The following GALNTL6 variants were observed in gnomAD, a reference collection of about 807,000 sequenced individuals.
GALNTL6 encodes the protein polypeptide N-acetylgalactosaminyltransferase like 6, also known as polypeptide N-acetylgalactosaminyltransferase-like 6.
In GALNTL6, 46 loss-of-function variants were observed where a neutral mutation model predicts 73.7. That is an observed-to-expected ratio of 0.62 (90% CI 0.49 to 0.80). The LOEUF (loss-of-function observed/expected upper bound fraction) is 0.80, where lower values mean the gene tolerates loss of function less well. GALNTL6 is among the 30% of genes least tolerant of loss of function. The probability of loss-of-function intolerance (pLI) is 0.00; values close to 1 mark genes in which losing one functional copy is unlikely to be tolerated. For synonymous variants in GALNTL6, 259 were observed against 263.7 expected (o/e 0.98, Z 0.17); for missense variants, 604 against 755.0 (o/e 0.80, Z 2.34).
intron 5 of GALNTL6, among the ~76,000 whole-genome samples, chr4:172,429,378 A>G (rs1460088256): frequency 6.6e-6 from 1 of 151,618 alleles, no homozygotes; most frequent in Non-Finnish European, 1.5e-5. Context: ...CGCCTGGCTA[A>G]TTTTTGTATT....
At chr4:172,238,863 T>C (rs952934232) in intron 3 of GALNTL6, among the ~76,000 whole-genome samples, 17 of 152,150 alleles carry the variant, frequency 1.1e-4, no homozygotes, top group African/African-American at 3.6e-4. Context: ...TATGGTTATA[T>C]AGTTTTTATT....
At chr4:172,840,947 A>T (rs1470576307) in intron 7 of GALNTL6, among the ~76,000 whole-genome samples, 2 of 152,174 alleles carry the variant, frequency 1.3e-5, no homozygotes, top group Non-Finnish European at 2.9e-5. Flanking sequence ...TTTATGCCCA[A>T]CACAGTGCTC....
chr4:172,045,816 G>A (rs1402024362), intron 2 of GALNTL6, among the ~76,000 whole-genome samples: 1 of 151,556 alleles, frequency 6.6e-6, no homozygotes, highest in Non-Finnish European at 1.5e-5. Flanking sequence ...ATGTAACTGA[G>A]ATATGGTACA....
chr4:172,027,916 T>C (rs1741639213), intron 2 of GALNTL6, among the ~76,000 whole-genome samples: 1 of 152,022 alleles, frequency 6.6e-6, no homozygotes, highest in South Asian at 2.1e-4. Flanking sequence ...AGTATGGAGG[T>C]AGCAGAGATT....
At chr4:171,851,112 T>A (rs1221475182) in intron 2 of GALNTL6, among the ~76,000 whole-genome samples, 3 of 152,242 alleles carry the variant, frequency 2.0e-5, no homozygotes, top group Non-Finnish European at 4.4e-5. Flanking sequence ...CGAACTTGAA[T>A]GTAAAAGTAA....
At chr4:172,906,223 G>A (rs187437709) in intron 8 of GALNTL6, among the ~76,000 whole-genome samples, 140 of 151,932 alleles carry the variant, frequency 9.2e-4, no homozygotes, top group African/African-American at 3.2e-3. Context: ...ATCAGAAATG[G>A]TTAAGTGGCC....
chr4:172,101,901 G>A (rs1732530559), intron 2 of GALNTL6, among the ~76,000 whole-genome samples: 1 of 151,566 alleles, frequency 6.6e-6, no homozygotes, highest in South Asian at 2.1e-4. Flanking sequence ...ATCAAAACCA[G>A]GTTTAAAATT....
At chr4:171,904,826 T>TG (rs1218935826) in intron 2 of GALNTL6, among the ~76,000 whole-genome samples, 1 of 151,848 alleles carries the variant, frequency 6.6e-6, no homozygotes, top group Non-Finnish European at 1.5e-5. Flanking sequence ...CAGAAGAGAG[T>TG]GGGGGCCAAT....
At chr4:172,388,535 G>A (rs2111297776) in intron 5 of GALNTL6, among the ~76,000 whole-genome samples, 1 of 152,196 alleles carries the variant, frequency 6.6e-6, no homozygotes, top group East Asian at 1.9e-4. Context: ...CAACATCCAA[G>A]AGACATTACA....
At chr4:172,469,800 T>C (rs1046466113) in intron 5 of GALNTL6, among the ~76,000 whole-genome samples, 10 of 152,226 alleles carry the variant, frequency 6.6e-5, no homozygotes, top group African/African-American at 2.2e-4. Context: ...ATTTAAAAAA[T>C]AATTTTCTTA....
chr4:172,180,233 A>T (rs2110851098), intron 2 of GALNTL6, among the ~76,000 whole-genome samples: 1 of 152,216 alleles, frequency 6.6e-6, no homozygotes, highest in South Asian at 2.1e-4. Context: ...TGTTGGCCAC[A>T]TTAATGTTTT....
chr4:172,589,515 G>T (rs1045971663), intron 5 of GALNTL6, among the ~76,000 whole-genome samples: 1 of 152,116 alleles, frequency 6.6e-6, no homozygotes, highest in East Asian at 1.9e-4. Context: ...ACATGATGAG[G>T]CTCTGAGAAG....
At chr4:172,657,161 C>G (rs1289191811) in intron 5 of GALNTL6, among the ~76,000 whole-genome samples, 1 of 152,172 alleles carries the variant, frequency 6.6e-6, no homozygotes, top group Non-Finnish European at 1.5e-5. Flanking sequence ...TAATAATAGT[C>G]TTTCTCTTTT....
chr4:172,400,508 A>G (rs1743999306), intron 5 of GALNTL6, among the ~76,000 whole-genome samples: 3 of 152,178 alleles, frequency 2.0e-5, no homozygotes, highest in Admixed American at 6.6e-5. Flanking sequence ...TATGTTAAAA[A>G]TGCATGTTAA....
intron 2 of GALNTL6, among the ~76,000 whole-genome samples, chr4:172,202,620 G>A (rs918644492): frequency 1.7e-4 from 26 of 152,082 alleles, no homozygotes; most frequent in Non-Finnish European, 8.8e-5. Flanking sequence ...AAGTATCTAG[G>A]TAATGTACTT....
intron 7 of GALNTL6, among the ~76,000 whole-genome samples, chr4:172,875,040 G>A (rs928005641): frequency 6.6e-6 from 1 of 152,128 alleles, no homozygotes; most frequent in African/African-American, 2.4e-5. Context: ...GACTTAATGG[G>A]TCAGAGGAGA....
rs535946510 is a variant in GALNTL6, at chr4:172,375,016, C to G, written c.553+26327C>G. On this transcript the variant is annotated intron_variant, in intron 5 of 12. Transcript: ENST00000506823. The stretch of plus-strand genomic sequence containing the variant: ...CCCCTATAGCTTGAAGAGGACATAA[C>G]CGATAGCCTGGGGGGTTAGTGGTCC... 2.0e-5 allele frequency among the ~76,000 whole-genome samples: 3 copies of G among 152,264 alleles called. No homozygotes were observed. The East Asian group carries it at 5.8e-4, about 29-fold the overall frequency.
At chr4:171,902,103 A>G (rs1257610798) in intron 2 of GALNTL6, among the ~76,000 whole-genome samples, 1 of 152,202 alleles carries the variant, frequency 6.6e-6, no homozygotes, top group Non-Finnish European at 1.5e-5. Context: ...GTGTTATATA[A>G]GCAACAAGAA....
At chr4:171,834,806 G>A (rs1350146927) in intron 2 of GALNTL6, among the ~76,000 whole-genome samples, 1 of 151,934 alleles carries the variant, frequency 6.6e-6, no homozygotes, top group Non-Finnish European at 1.5e-5. Context: ...TTAGATAAAA[G>A]ACTCGACTAG....
Sources: allele counts gnomAD v4.1 joint callset (sites outside exome capture counted in the v4.1 genomes callset), GRCh38; gene constraint gnomAD v4.1.1; transcripts MANE v1.5; gene names NCBI Gene and HGNC (gene_info 2026-07-23, HGNC 2026-07-21).